The following SPTLC3 variants were observed in gnomAD, a reference collection of about 807,000 sequenced individuals.
The protein encoded by SPTLC3 is serine palmitoyltransferase 3.
Under a neutral mutation model 59.3 loss-of-function variants are expected in SPTLC3, and 36 were observed. The observed-to-expected ratio is 0.61, with a 90% CI of 0.47 to 0.80. The LOEUF is 0.80. SPTLC3 is among the 30% of genes least tolerant of loss of function. The pLI is 0.00. For synonymous variants in SPTLC3, 257 were observed against 240.8 expected (o/e 1.07, Z -0.62); for missense variants, 625 against 685.1 (o/e 0.91, Z 0.98).
intron 1 of SPTLC3, among the ~76,000 whole-genome samples, chr20:13,032,947 A>C (rs1986564973): frequency 6.6e-6 from 1 of 152,172 alleles, no homozygotes; most frequent in Non-Finnish European, 1.5e-5. Context: ...GACCCCTCAA[A>C]GTTTCCATAT....
Position 13,164,832 on chromosome 20 carries a change from C to A in SPTLC3, c.1624C>A (p.Leu542Ile), listed in dbSNP as rs1333531607. 1 of 1,613,734 alleles carries A rather than the reference C, an allele frequency of 6.2e-7. No homozygotes were observed. Among genetic ancestry groups the A allele is most frequent in the Non-Finnish European group, 8.5e-7 (1 of 1,179,810 alleles). ...SRHKKSARPE[L>I]YDETSFELED ...GCACAAGAAGTCAGCACGTCCTGAG[C>A]TCTATGATGAGACGAGCTTTGAACT... Residue 542 changes from leucine to isoleucine, a missense_variant, in exon 12 of 12, where the codon CTC becomes ATC. By Grantham distance (5) the Leu-to-Ile change is conservative. Transcript: ENST00000399002.
At position 13,091,223 on chromosome 20, in the gene SPTLC3, C is replaced by T; in HGVS notation, c.732+16C>T. On this transcript the variant is annotated intron_variant, in intron 5 of 11. Coordinates refer to ENST00000399002, the MANE Select transcript of SPTLC3 (RefSeq NM_018327.4). ...AGTTGGAAAGGTGAGAATTGTTAAC[C>T]TAATTGTCTTCTACTGTATTACTCC... 1 of 1,611,402 alleles carries T rather than the reference C, an allele frequency of 6.2e-7. No individual in the cohort carries two copies. The highest frequency in any genetic ancestry group is 8.5e-7 in the Non-Finnish European group (1 of 1,178,326).
At chr20:13,115,275 T>C (rs938757395) in intron 7 of SPTLC3, among the ~76,000 whole-genome samples, 1 of 152,190 alleles carries the variant, frequency 6.6e-6, no homozygotes, top group African/African-American at 2.4e-5. Context: ...TGGGTGAATA[T>C]AACTCTATAA....
At chr20:13,136,654 A>G (rs1015144540) in intron 9 of SPTLC3, among the ~76,000 whole-genome samples, 14 of 147,646 alleles carry the variant, frequency 9.5e-5, no homozygotes, top group Non-Finnish European at 1.6e-4. Flanking sequence ...TGTATATATA[A>G]ATAAAAGTTA....
chr20:13,010,749 C>G, intron 1 of SPTLC3, among the ~76,000 whole-genome samples: 1 of 152,226 alleles, frequency 6.6e-6, no homozygotes, highest in Non-Finnish European at 1.5e-5. Context: ...AGCTATTCAT[C>G]TACTTACCCT....
intron 1 of SPTLC3, among the ~76,000 whole-genome samples, chr20:13,017,594 C>T (rs1391320858): frequency 6.6e-6 from 1 of 152,172 alleles, no homozygotes. Context: ...GATTCATAAA[C>T]TTTCTTAAAA....
intron 9 of SPTLC3, among the ~76,000 whole-genome samples, chr20:13,142,761 C>G (rs1300720938): frequency 6.6e-6 from 1 of 152,170 alleles, no homozygotes; most frequent in Non-Finnish European, 1.5e-5. Flanking sequence ...AGAATCCAGT[C>G]TTTTGGGGCT....
At chr20:13,156,005 T>C (rs936199568) in intron 10 of SPTLC3, among the ~76,000 whole-genome samples, 5 of 152,114 alleles carry the variant, frequency 3.3e-5, no homozygotes, top group African/African-American at 9.7e-5. Flanking sequence ...ACAACAGTGA[T>C]TGAAAGTAGC....
chr20:13,074,465 G>A lies in SPTLC3; in HGVS notation c.575G>A (p.Gly192Asp). Residue 192 changes from glycine (G) to aspartate (D), a missense_variant, in exon 4 of 12, where the codon GGC becomes GAC. Gly to Asp is a moderately conservative substitution (Grantham distance 94). Transcript: ENST00000399002. ...RTIKDVLEVY[G>D]TGVASTRHEM... ...ATAAAGGATGTTTTAGAGGTGTATG[G>A]CACAGGCGTGGCCAGCACCAGGCAT... 6.2e-7 allele frequency: 1 copy of A among 1,613,960 alleles called. No individual in the cohort carries two copies. Among genetic ancestry groups the A allele is most frequent in the Non-Finnish European group, 8.5e-7 (1 of 1,179,900 alleles).
At chr20:13,122,908 C>G (rs2037899225) in intron 8 of SPTLC3, among the ~76,000 whole-genome samples, 1 of 152,186 alleles carries the variant, frequency 6.6e-6, no homozygotes, top group African/African-American at 2.4e-5. Context: ...CGTAGTCACA[C>G]AACCTTAGAA....
rs565894483 is a variant in SPTLC3, at chr20:13,166,544, A to T, written c.*1677A>T. ...GATAACAAAATTCCAACTTTTCTCA[A>T]TGAAACTGATGCAGTATTATTTGTG... On this transcript the variant is annotated 3_prime_UTR_variant, in exon 12 of 12. Transcript: ENST00000399002. 1.3e-5 allele frequency: 2 copies of T among 152,230 alleles called. No homozygotes were observed. The highest frequency in any genetic ancestry group is 2.9e-5 in the Non-Finnish European group (2 of 68,048). The allele number at this position is 152,230 out of a possible 1,614,324, so 9.4% of individuals were successfully genotyped here.
intron 1 of SPTLC3, among the ~76,000 whole-genome samples, chr20:13,039,111 G>A (rs1476823478): frequency 2.0e-5 from 3 of 152,084 alleles, no homozygotes; most frequent in Admixed American, 1.3e-4. Context: ...TTGGGGAGAC[G>A]TGTTCCATAG....
intron 1 of SPTLC3, among the ~76,000 whole-genome samples, chr20:13,026,353 T>C (rs1231785565): frequency 1.3e-5 from 2 of 152,220 alleles, no homozygotes; most frequent in Non-Finnish European, 2.9e-5. Context: ...CAACAGTGTG[T>C]AAGTGTTCCC....
At chr20:13,149,982 C>G (rs1187120767) in intron 9 of SPTLC3, among the ~76,000 whole-genome samples, 1 of 152,178 alleles carries the variant, frequency 6.6e-6, no homozygotes, top group Non-Finnish European at 1.5e-5. Flanking sequence ...CAGGACCAGC[C>G]TGATGAAGTC....
chr20:13,145,338 CCAA>C (rs2038485071), intron 9 of SPTLC3, among the ~76,000 whole-genome samples: 1 of 152,052 alleles, frequency 6.6e-6, no homozygotes, highest in South Asian at 2.1e-4. Context: ...TTTCTATACA[CCAA>C]CAACAGCAAA....
chr20:13,069,804 G>A (rs1988372227), intron 2 of SPTLC3, among the ~76,000 whole-genome samples: 1 of 152,088 alleles, frequency 6.6e-6, no homozygotes, highest in Non-Finnish European at 1.5e-5. Context: ...TTTGATTCTT[G>A]TCTCCTCTCC....
At position 13,110,378 on chromosome 20, in the gene SPTLC3, G is replaced by A. The variant is rs530438541; in HGVS notation, c.932+161G>A. ...CCACCAATGGGAGCTGTCAGACGTG[G>A]GTTATCTGTCTTTTTGATGACTCTA... On this transcript the variant is annotated intron_variant, in intron 7 of 11. Transcript: ENST00000399002. Among the ~76,000 whole-genome samples, 287 of 152,264 alleles carry A rather than the reference G, an allele frequency of 1.9e-3. 4 individuals are homozygous for A. The highest frequency in any genetic ancestry group is 0.018 in the South Asian group (86 of 4,820).
At chr20:13,123,494 G>T (rs545433738) in intron 8 of SPTLC3, among the ~76,000 whole-genome samples, 1 of 152,274 alleles carries the variant, frequency 6.6e-6, no homozygotes, top group South Asian at 2.1e-4. Context: ...AAGGCACAGA[G>T]AGATTTAGTA....
chr20:13,122,887 G>C lies in SPTLC3; in HGVS notation c.1153-3704G>C, dbSNP rs534423626. 1.2e-4 allele frequency among the ~76,000 whole-genome samples: 18 copies of C among 152,250 alleles called. No homozygotes were observed. The South Asian group carries it at 3.7e-3, about 32-fold the overall frequency. On this transcript the variant is annotated intron_variant, in intron 8 of 11. Coordinates refer to ENST00000399002, the MANE Select transcript of SPTLC3 (RefSeq NM_018327.4). ...TGAAAATCCTTGGTTTGATGTATGG[G>C]TCTACCAATGCGTAGTCACACAACC...
Sources: gnomAD v4.1 joint callset for allele counts (sites outside exome capture counted in the v4.1 genomes callset) on GRCh38, gnomAD v4.1.1 for gene constraint, MANE v1.5 for transcripts, NCBI Gene and HGNC (gene_info 2026-07-23, HGNC 2026-07-21) for gene names.